ARPP21: variants seen among roughly 807,000 people sequenced by gnomAD.
ARPP21 encodes the protein cAMP regulated phosphoprotein 21.
A neutral mutation model predicts 113.2 loss-of-function variants in ARPP21; 69 were observed. The observed-to-expected ratio is 0.61, with a 90% CI of 0.50 to 0.74. The LOEUF is 0.74. Ranked by LOEUF, ARPP21 falls within the 30% of genes least tolerant of loss-of-function variation. ARPP21 has a pLI of 0.00. For missense variants in ARPP21, 1,070 were observed against 1,037.4 expected (o/e 1.03, Z -0.43); for synonymous variants, 368 against 375.5 (o/e 0.98, Z 0.23).
intron 10 of ARPP21, among the ~76,000 whole-genome samples, chr3:35,708,052 T>C (rs1046326487): frequency 1.3e-5 from 2 of 152,178 alleles, no homozygotes; most frequent in Non-Finnish European, 2.9e-5. Flanking sequence ...TCAGCCAGTA[T>C]GTGCATCTCT....
chr3:35,679,269 T>C lies in ARPP21; in HGVS notation c.-212-518T>C, dbSNP rs116541208. ...TGCCATTATAAAAGTTTTCTTCTTC[T>C]TTTTTTTAACTTTTATAGAGAATGT... On this transcript the variant is annotated intron_variant, in intron 1 of 20. Coordinates refer to ENST00000684406, the MANE Select transcript of ARPP21 (RefSeq NM_001385562.1). 6.9e-3 allele frequency among the ~76,000 whole-genome samples: 1,049 copies of C among 151,806 alleles called. 17 individuals carry two copies. The highest frequency in any genetic ancestry group is 0.024 in the African/African-American group (987 of 41,436).
chr3:35,680,797 CT>C (rs3836256), intron 2 of ARPP21: 44,350 of 150,906 alleles, frequency 0.29, 7,120 homozygotes, highest in East Asian at 0.48. Context: ...TCTCTTTCTT[CT>C]TTTTTTTTCT....
chr3:35,752,649 T>C (rs2095439993), intron 19 of ARPP21, among the ~76,000 whole-genome samples: 1 of 152,046 alleles, frequency 6.6e-6, no homozygotes, highest in Non-Finnish European at 1.5e-5. Context: ...TAAAATGCAT[T>C]TCAGTGCAGA....
chr3:35,701,304 C>T (rs2086285496), intron 9 of ARPP21, among the ~76,000 whole-genome samples: 1 of 151,654 alleles, frequency 6.6e-6, no homozygotes, highest in South Asian at 2.1e-4. Flanking sequence ...TAAGATCATC[C>T]TCATATCATT....
chr3:35,742,452 G>A (rs2094728185), intron 18 of ARPP21, among the ~76,000 whole-genome samples: 1 of 152,144 alleles, frequency 6.6e-6, no homozygotes, highest in African/African-American at 2.4e-5. Flanking sequence ...AGTAGTAAGA[G>A]CGAATCACTA....
Position 35,738,235 on chromosome 3 carries a change from TCC to T in ARPP21, c.1667_1668del (p.Ser556PhefsTer30), listed in dbSNP as rs1391992123. 6.5e-7 allele frequency: 1 copy of T among 1,536,192 alleles called. No homozygotes were observed. On this transcript the variant is annotated frameshift_variant, in exon 17 of 21. Transcript: ENST00000684406. LOFTEE classifies it high-confidence loss of function. ...CCAGTCTGTCCAGGGGCTGCAGGCT[TCC>T]TCCCAGTCAGTGCAATATCCAGCAG... is the stretch of plus-strand genomic sequence containing the variant. ...VTQSVQGLQA[S>X]SQSVQYPAVS...
At chr3:35,725,609 G>C (rs771385781) in intron 14 of ARPP21, among the ~76,000 whole-genome samples, 15 of 152,176 alleles carry the variant, frequency 9.9e-5, no homozygotes, top group Non-Finnish European at 1.9e-4. Flanking sequence ...TGTTCCCTCT[G>C]CTCCAAGGGA....
intron 15 of ARPP21, among the ~76,000 whole-genome samples, chr3:35,735,521 G>A (rs555832861): frequency 6.6e-5 from 10 of 152,216 alleles, no homozygotes; most frequent in Non-Finnish European, 1.2e-4. Context: ...GCCATCACAC[G>A]CTTCTTACCC....
At chr3:35,735,650 A>G (rs1287107283) in intron 15 of ARPP21, among the ~76,000 whole-genome samples, 3 of 152,304 alleles carry the variant, frequency 2.0e-5, no homozygotes, top group South Asian at 2.1e-4. Flanking sequence ...TTATGCCAAG[A>G]TAAGGAGGAC....
chr3:35,739,676 C>T (rs902827296), intron 18 of ARPP21, 99 bp downstream of exon 18: 25 of 1,418,240 alleles, frequency 1.8e-5, no homozygotes, highest in African/African-American at 5.7e-5. Flanking sequence ...ACTCCCTCTT[C>T]CCTTTCTAGT....
At chr3:35,706,894 TG>T in intron 9 of ARPP21, 79 bp from the exon 10 acceptor site, 1 of 1,045,394 alleles carries the variant, frequency 9.6e-7, no homozygotes, top group Non-Finnish European at 1.4e-6. Context: ...AATGACACTG[TG>T]GGGGAAGAAC....
intron 15 of ARPP21, among the ~76,000 whole-genome samples, chr3:35,731,839 G>A (rs1230661652): frequency 6.6e-6 from 1 of 152,146 alleles, no homozygotes; most frequent in Non-Finnish European, 1.5e-5. Context: ...AAATACTTGG[G>A]TGTTAGGAAC....
chr3:35,704,025 G>A (rs958732565), intron 9 of ARPP21, among the ~76,000 whole-genome samples: 1 of 151,694 alleles, frequency 6.6e-6, no homozygotes, highest in Non-Finnish European at 1.5e-5. Context: ...TTGCTCTTTA[G>A]CACTATAATC....
In ARPP21 at chr3:35,658,370, A is replaced by C. The variant is rs144084237; in HGVS notation, c.-213+17972A>C. On this transcript the variant is annotated intron_variant, in intron 1 of 20. Transcript: ENST00000684406. The stretch of plus-strand genomic sequence containing the variant: ...GTGAGGATTAAAAACACTATGTGTA[A>C]AGTGTTCTTTTTGGCATTTTGTACA... 7.9e-5 allele frequency among the ~76,000 whole-genome samples: 12 copies of C among 152,088 alleles called. No homozygotes were observed. The East Asian group carries it at 2.1e-3, about 27-fold the overall frequency.
intron 16 of ARPP21, 152 bp downstream of exon 16, chr3:35,737,514 A>G (rs538163738): frequency 1.7e-4 from 89 of 534,526 alleles, no homozygotes; most frequent in Non-Finnish European, 1.9e-4. Context: ...GCAGATTGAC[A>G]GGATTTTATC....
At position 35,701,594 on chromosome 3, in the gene ARPP21, A is replaced by G. The variant is rs548317454; in HGVS notation, c.687-5380A>G. Among the ~76,000 whole-genome samples, 59 of 151,758 alleles carry G rather than the reference A, an allele frequency of 3.9e-4. 1 individual carries two copies. The highest frequency in any genetic ancestry group is 1.4e-3 in the African/African-American group (58 of 41,460). On this transcript the variant is annotated intron_variant, in intron 9 of 20. Transcript: ENST00000684406. ...TTTTCCCCTTTTCTCTTATCCTTGCAATCTTTCTCTATAACATCATTATTT... is the reference window on the plus strand; with the variant it reads ...TTTTCCCCTTTTCTCTTATCCTTGCGATCTTTCTCTATAACATCATTATTT...
At chr3:35,791,156 A>G (rs1450332325) in intron 19 of ARPP21, among the ~76,000 whole-genome samples, 1 of 152,216 alleles carries the variant, frequency 6.6e-6, no homozygotes. Flanking sequence ...TTTCTTTTAT[A>G]AAGACTATAA....
chr3:35,677,316 T>C (rs2077770018), intron 1 of ARPP21, among the ~76,000 whole-genome samples: 1 of 151,598 alleles, frequency 6.6e-6, no homozygotes, highest in South Asian at 2.1e-4. Flanking sequence ...TTAGGACATA[T>C]CTATTTTGAT....
chr3:35,667,313 T>G (rs1203093057), intron 1 of ARPP21, among the ~76,000 whole-genome samples: 2 of 152,206 alleles, frequency 1.3e-5, no homozygotes, highest in African/African-American at 4.8e-5. Flanking sequence ...CAATCTGATT[T>G]GTGGTAGTGA....
Sources: gnomAD v4.1 joint callset for allele counts (sites outside exome capture counted in the v4.1 genomes callset) on GRCh38, gnomAD v4.1.1 for gene constraint, MANE v1.5 for transcripts, NCBI Gene and HGNC (gene_info 2026-07-23, HGNC 2026-07-21) for gene names.